The following DAG1 variants were observed in gnomAD, a reference collection of about 807,000 sequenced individuals.
DAG1 encodes the protein dystroglycan 1, also known as dystroglycan 1 (dystrophin-associated glycoprotein 1).
DAG1 carries 8 observed loss-of-function variants against 46.1 expected under a neutral mutation model. That is an observed-to-expected ratio of 0.17 (90% CI 0.10 to 0.31). The LOEUF is 0.31. DAG1 is among the 10% of genes least tolerant of loss of function. The pLI, the probability that DAG1 is intolerant of heterozygous loss-of-function variation, is 1.00. For missense variants in DAG1, 1,003 were observed against 1,189.9 expected (o/e 0.84, Z 2.31); for synonymous variants, 495 against 481.8 (o/e 1.03, Z -0.36).
In DAG1 at chr3:49,489,061, G is replaced by A. The variant is rs555258145; in HGVS notation, c.-117+18628G>A. Among the ~76,000 whole-genome samples the A allele has an allele frequency of 3.3e-5, 5 of 151,734 alleles. No homozygotes were observed. In the South Asian group the frequency reaches 1.0e-3, roughly 32 times the overall value. On this transcript the variant is annotated intron_variant, in intron 1 of 2. Transcript: ENST00000308775. ...ACCTGCTTTTCATTTGTGTCCTAGT[G>A]TGGTGTTGGAATTTATTTTACCTCC...
At chr3:49,508,194 C>T (rs1159528311) in intron 1 of DAG1, among the ~76,000 whole-genome samples, 3 of 73,566 alleles carry the variant, frequency 4.1e-5, no homozygotes, top group African/African-American at 1.1e-4. Context: ...GTTTATTTTG[C>T]TTTTTTTTTT....
chr3:49,481,695 G>T (rs1321959450), intron 1 of DAG1, among the ~76,000 whole-genome samples: 1 of 152,124 alleles, frequency 6.6e-6, no homozygotes, highest in African/African-American at 2.4e-5. Flanking sequence ...GCTCAAGGAT[G>T]AATGAAGCAC....
rs2051396609 is a variant in DAG1, at chr3:49,532,745, G to A, written c.2234G>A (p.Ser745Asn). 1 of 1,614,176 alleles carries A rather than the reference G, an allele frequency of 6.2e-7. No individual in the cohort carries two copies. Among genetic ancestry groups the A allele is most frequent in the South Asian group, 1.1e-5 (1 of 91,090 alleles). ...EVPDRDPEKS[S>N]EDDVYLHTVI... Reference sequence around the variant, plus strand: ...CCTGACAGGGACCCTGAGAAGAGCAGTGAGGATGATGTCTACCTGCACACA... The same window carrying A: ...CCTGACAGGGACCCTGAGAAGAGCAATGAGGATGATGTCTACCTGCACACA... The change falls in exon 3 of 3, where the codon AGT (serine) becomes AAT (asparagine). Residue 745 changes from serine (S) to asparagine (N), a missense_variant. Around this residue, in one of 3 missense-constraint regions of DAG1, gnomAD observed 755 missense variants for 854.1 expected, o/e 0.88. Transcript: ENST00000308775. This position sits in a 1 kb window ranked among gnomAD's most constrained non-coding sequence, Gnocchi z 5.4.
intron 2 of DAG1, among the ~76,000 whole-genome samples, chr3:49,518,934 C>A (rs1214886194): frequency 1.3e-5 from 2 of 152,190 alleles, no homozygotes; most frequent in Non-Finnish European, 2.9e-5. Context: ...AGACTGGATG[C>A]CTGTATACAA....
Position 49,531,693 on chromosome 3 carries a change from C to T in DAG1, c.1182C>T (p.Gly394=), listed in dbSNP as rs758186665. 1.5e-5 allele frequency: 25 copies of T among 1,613,730 alleles called. No individual in the cohort carries two copies. Among genetic ancestry groups the T allele is most frequent in the African/African-American group, 2.7e-5 (2 of 74,886 alleles). Residue 394 remains glycine, a synonymous_variant, in exon 3 of 3, where the codon GGC becomes GGT. Transcript: ENST00000308775. The surrounding 1 kb of genome is among the most constrained non-coding windows in gnomAD (Gnocchi z 7.0). Reference sequence around the variant, plus strand: ...AGCCTACTCGGGTGTCAGAAGCTGGCACCACAGTTCCTGGCCAGATTCGCC... The same window carrying T: ...AGCCTACTCGGGTGTCAGAAGCTGGTACCACAGTTCCTGGCCAGATTCGCC... ...PIQPTRVSEA[G]TTVPGQIRPT...
rs2051479497 is a variant in DAG1, at chr3:49,535,247, T to C, written c.*2048T>C. Reference sequence around the variant, plus strand: ...GATGACCTCATCAAAAAATAAACAATTCCCAATGTTCCAGGTGAGGGCTTT... The same window carrying C: ...GATGACCTCATCAAAAAATAAACAACTCCCAATGTTCCAGGTGAGGGCTTT... On this transcript the variant is annotated 3_prime_UTR_variant, in exon 3 of 3. Coordinates refer to ENST00000308775, the MANE Select transcript of DAG1 (RefSeq NM_004393.6). 1 of 152,650 alleles carries C rather than the reference T, an allele frequency of 6.6e-6. No individual in the cohort carries two copies. The highest frequency in any genetic ancestry group is 1.9e-4 in the East Asian group (1 of 5,186). The allele number at this position is 152,650 out of a possible 1,614,324, so 9.5% of individuals were successfully genotyped here. A position where few individuals can be genotyped will look rare whatever the true frequency, so the allele number is the denominator to read the frequency against.
chr3:49,515,388 GTTT>G (rs71627397), intron 2 of DAG1, among the ~76,000 whole-genome samples: 3 of 130,224 alleles, frequency 2.3e-5, no homozygotes, highest in Non-Finnish European at 3.2e-5. Context: ...TTCTTGTGTT[GTTT>G]TTTTTTTTTT....
chr3:49,482,662 T>C (rs376424117), intron 1 of DAG1, among the ~76,000 whole-genome samples: 1 of 152,186 alleles, frequency 6.6e-6, no homozygotes, highest in Non-Finnish European at 1.5e-5. Flanking sequence ...TTGTCCTTAT[T>C]ATGATGCAAA....
chr3:49,476,921 A>C (rs911351023), intron 1 of DAG1: 1 of 152,226 alleles, frequency 6.6e-6, no homozygotes, highest in Non-Finnish European at 1.5e-5. Context: ...GTACTTGAAA[A>C]GAGACATTTC....
chr3:49,532,960 C>T lies in DAG1; in HGVS notation c.2449C>T (p.Leu817Phe). 6.2e-7 allele frequency: 1 copy of T among 1,614,104 alleles called. No individual in the cohort carries two copies. Among genetic ancestry groups the T allele is most frequent in the Non-Finnish European group, 8.5e-7 (1 of 1,180,000 alleles). ...GCCCCCACCCTCCTCCAGCATGCCA[C>T]TCATTCTGCAGGAGGAGAAGGCTCC... ...SKPPPSSSMP[L>F]ILQEEKAPLP... Residue 817 changes from leucine (L) to phenylalanine (F), a missense_variant, in exon 3 of 3, where the codon CTC becomes TTC. Around this residue, in one of 3 missense-constraint regions of DAG1, gnomAD observed 755 missense variants for 854.1 expected, o/e 0.88. Transcript: ENST00000308775. This position sits in a 1 kb window ranked among gnomAD's most constrained non-coding sequence, Gnocchi z 5.4.
At chr3:49,511,935 C>T (rs780680864) in intron 2 of DAG1, among the ~76,000 whole-genome samples, 26 of 152,212 alleles carry the variant, frequency 1.7e-4, no homozygotes, top group Admixed American at 3.3e-4. Context: ...TAAAACTTTA[C>T]GGTGGATACT....
At chr3:49,515,807 A>G (rs757374095) in intron 2 of DAG1, among the ~76,000 whole-genome samples, 2 of 151,986 alleles carry the variant, frequency 1.3e-5, no homozygotes, top group East Asian at 1.9e-4. Flanking sequence ...CTGCTTGCTT[A>G]CTTCTTCCTA....
At chr3:49,477,817 C>G (rs1310805360) in intron 1 of DAG1, among the ~76,000 whole-genome samples, 2 of 151,858 alleles carry the variant, frequency 1.3e-5, no homozygotes, top group Non-Finnish European at 2.9e-5. Flanking sequence ...CAAAAATTAG[C>G]TGGGCGTGGT....
chr3:49,478,144 G>A (rs2049740345), intron 1 of DAG1, among the ~76,000 whole-genome samples: 1 of 151,676 alleles, frequency 6.6e-6, no homozygotes, highest in South Asian at 2.1e-4. Context: ...GTGTGCGCCT[G>A]TAATCCCAGC....
Position 49,531,320 on chromosome 3 carries a change from G to C in DAG1, c.809G>C (p.Ser270Thr). The C allele has an allele frequency of 6.2e-7, 1 of 1,614,196 alleles. No individual in the cohort carries two copies. The stretch of plus-strand genomic sequence containing the variant: ...CTGGGCTGCTCCCTGAACCAGAACA[G>C]TGTGCCTGACATTCATGGTGTAGAG... ...WKLGCSLNQN[S>T]VPDIHGVEAP... is the part of the protein sequence containing the mutation. The change falls in exon 3 of 3, where the codon AGT (serine) becomes ACT (threonine). Residue 270 changes from serine to threonine, a missense_variant. Transcript: ENST00000308775. This position sits in a 1 kb window ranked among gnomAD's most constrained non-coding sequence, Gnocchi z 7.0.
At chr3:49,510,074 GTTTAC>G (rs1319675321) in intron 1 of DAG1, 3 of 239,596 alleles carry the variant, frequency 1.3e-5, no homozygotes, top group African/African-American at 2.3e-5. Context: ...AATACTTATT[GTTTAC>G]TTAATATATT....
intron 2 of DAG1, among the ~76,000 whole-genome samples, chr3:49,512,323 C>T (rs1309398413): frequency 1.3e-5 from 2 of 152,156 alleles, no homozygotes; most frequent in Non-Finnish European, 1.5e-5. Flanking sequence ...CTGCCTCAGC[C>T]TCCTCAGTAG....
chr3:49,520,384 T>C (rs2050997257), intron 2 of DAG1, among the ~76,000 whole-genome samples: 1 of 152,226 alleles, frequency 6.6e-6, no homozygotes, highest in Admixed American at 6.5e-5. Context: ...CAGCTTGCAA[T>C]GAGGAGGCCT....
Position 49,531,018 on chromosome 3 carries a change from A to G in DAG1, c.507A>G (p.Thr169=). 1 of 1,614,194 alleles carries G rather than the reference A, an allele frequency of 6.2e-7. No individual in the cohort carries two copies. The highest frequency in any genetic ancestry group is 1.1e-5 in the South Asian group (1 of 91,084). The change falls in exon 3 of 3, where the codon ACA becomes ACG. Residue 169 remains threonine (T), a synonymous_variant. Transcript: ENST00000308775. This position sits in a 1 kb window ranked among gnomAD's most constrained non-coding sequence, Gnocchi z 7.0. ...EDHSELQSVR[T]ASPDPGEVVS... is the part of the protein sequence containing the mutation. ...ACAGTGAGCTGCAGTCGGTGAGGACAGCCTCCCCAGACCCTGGTGAGGTGG... is the reference window on the plus strand; with the variant it reads ...ACAGTGAGCTGCAGTCGGTGAGGACGGCCTCCCCAGACCCTGGTGAGGTGG...
Sources: gnomAD v4.1 joint callset for allele counts (sites outside exome capture counted in the v4.1 genomes callset) on GRCh38, gnomAD v4.1.1 for gene constraint, gnomAD v4.1.1 regional missense constraint, Gnocchi (gnomAD v3.1) non-coding constraint, MANE v1.5 for transcripts, NCBI Gene and HGNC (gene_info 2026-07-23, HGNC 2026-07-21) for gene names.